Variants in LRMDA observed in about 807,000 individuals in gnomAD.
LRMDA encodes leucine-rich melanocyte differentiation-associated protein.
In LRMDA, 18 loss-of-function variants were observed where a neutral mutation model predicts 29.8. That is an observed-to-expected ratio of 0.60 (90% CI 0.42 to 0.90). LRMDA has a LOEUF of 0.90. Among genes scored for constraint, LRMDA ranks in the 40% least tolerant of loss-of-function variants. LRMDA has a pLI of 0.00. For missense variants in LRMDA, 273 were observed against 273.9 expected (o/e 1.00, Z 0.02); for synonymous variants, 125 against 109.4 (o/e 1.14, Z -0.89).
At chr10:76,036,636 C>G (rs964151360) in intron 3 of LRMDA, among the ~76,000 whole-genome samples, 1 of 152,198 alleles carries the variant, frequency 6.6e-6, no homozygotes, top group African/African-American at 2.4e-5. Flanking sequence ...GTGGCAGAGA[C>G]ATGTGAAGCC....
intron 6 of LRMDA, among the ~76,000 whole-genome samples, chr10:76,358,893 A>G (rs1188034403): frequency 6.6e-6 from 1 of 152,188 alleles, no homozygotes; most frequent in African/African-American, 2.4e-5. Context: ...CATTGATTTG[A>G]ATAACTCTGT....
At chr10:76,546,240 G>A (rs182371901) in intron 6 of LRMDA, among the ~76,000 whole-genome samples, 1 of 152,128 alleles carries the variant, frequency 6.6e-6, no homozygotes, top group African/African-American at 2.4e-5. Flanking sequence ...TATTGTTTTC[G>A]ATTTTTTGGA....
At chr10:76,337,325 G>T (rs756930945) in intron 6 of LRMDA, among the ~76,000 whole-genome samples, 1 of 152,140 alleles carries the variant, frequency 6.6e-6, no homozygotes, top group Non-Finnish European at 1.5e-5. Flanking sequence ...ACCACCACAT[G>T]GTATATCGGT....
chr10:75,924,386 T>TA (rs1431215313), intron 2 of LRMDA, among the ~76,000 whole-genome samples: 5 of 152,196 alleles, frequency 3.3e-5, no homozygotes, highest in African/African-American at 1.2e-4. Flanking sequence ...GCAAGCCCCA[T>TA]AAAAAAGCAA....
intron 5 of LRMDA, among the ~76,000 whole-genome samples, chr10:76,250,519 A>C (rs866648046): frequency 6.6e-6 from 1 of 152,236 alleles, no homozygotes; most frequent in Non-Finnish European, 1.5e-5. Context: ...AAACCAAAAA[A>C]TGAAAAAAGG....
intron 2 of LRMDA, among the ~76,000 whole-genome samples, chr10:75,476,449 G>C (rs886868716): frequency 6.6e-6 from 1 of 152,122 alleles, no homozygotes; most frequent in Non-Finnish European, 1.5e-5. Context: ...TAGTGGTGCA[G>C]CCATCCTCCT....
chr10:76,362,182 A>G (rs1434444360), intron 6 of LRMDA, among the ~76,000 whole-genome samples: 1 of 152,206 alleles, frequency 6.6e-6, no homozygotes, highest in African/African-American at 2.4e-5. Context: ...AAAACTGACA[A>G]AGGTTATCCA....
At chr10:75,605,546 C>G (rs1038688869) in intron 2 of LRMDA, among the ~76,000 whole-genome samples, 1 of 152,206 alleles carries the variant, frequency 6.6e-6, no homozygotes, top group Non-Finnish European at 1.5e-5. Context: ...TGATGGAACA[C>G]TTTGATCTGA....
At chr10:75,802,082 T>G (rs1344688669) in intron 2 of LRMDA, among the ~76,000 whole-genome samples, 1 of 152,108 alleles carries the variant, frequency 6.6e-6, no homozygotes, top group Non-Finnish European at 1.5e-5. Flanking sequence ...ACAGGCATGC[T>G]GAGGCAGGAG....
intron 5 of LRMDA, among the ~76,000 whole-genome samples, chr10:76,293,235 C>T (rs1176792751): frequency 6.6e-6 from 1 of 152,188 alleles, no homozygotes; most frequent in Non-Finnish European, 1.5e-5. Context: ...CCCACCTCGG[C>T]CTCCCAAAGT....
chr10:75,759,264 G>A (rs923330080), intron 2 of LRMDA, among the ~76,000 whole-genome samples: 1 of 152,150 alleles, frequency 6.6e-6, no homozygotes, highest in Admixed American at 6.5e-5. Flanking sequence ...ATTTCTTGGA[G>A]TTCTATTATT....
Position 76,127,684 on chromosome 10 carries a change from GA to G in LRMDA, c.516+68911del, listed in dbSNP as rs369919157. On this transcript the variant is annotated intron_variant, in intron 5 of 6. Coordinates refer to ENST00000611255, the MANE Select transcript of LRMDA (RefSeq NM_001305581.2). ...TAAGGCAGTTGTAAAAGCTTGGGAGGAAAAAAAAAATCATAAAATTCTAGAA... is the reference window on the plus strand; with the variant it reads ...TAAGGCAGTTGTAAAAGCTTGGGAGGAAAAAAAAATCATAAAATTCTAGAA... 4.1e-3 allele frequency among the ~76,000 whole-genome samples: 597 copies of G among 144,274 alleles called. 5 individuals are homozygous for G. The highest frequency in any genetic ancestry group is 0.014 in the African/African-American group (570 of 39,378). 94.6% of individuals were successfully genotyped at this position (144,274 alleles called of 152,430 possible). A position where few individuals can be genotyped will look rare whatever the true frequency, so the allele number is the denominator to read the frequency against.
intron 2 of LRMDA, among the ~76,000 whole-genome samples, chr10:75,506,094 T>A (rs1845165829): frequency 6.6e-6 from 1 of 151,136 alleles, no homozygotes; most frequent in Admixed American, 6.6e-5. Flanking sequence ...CAATGAACCA[T>A]AAGTAGAACA....
At chr10:76,101,220 C>T (rs1236954317) in intron 5 of LRMDA, among the ~76,000 whole-genome samples, 2 of 152,042 alleles carry the variant, frequency 1.3e-5, no homozygotes, top group African/African-American at 4.8e-5. Context: ...TAAACAAAAA[C>T]TACTGATTGT....
At chr10:75,955,256 T>G (rs964575226) in intron 2 of LRMDA, among the ~76,000 whole-genome samples, 6 of 152,220 alleles carry the variant, frequency 3.9e-5, no homozygotes, top group African/African-American at 1.4e-4. Context: ...AGGTGTCTGT[T>G]GATTAGACTG....
At chr10:76,382,490 G>A (rs1207790917) in intron 6 of LRMDA, among the ~76,000 whole-genome samples, 1 of 152,178 alleles carries the variant, frequency 6.6e-6, no homozygotes, top group Non-Finnish European at 1.5e-5. Flanking sequence ...AGGGAATGTA[G>A]AAAGTAAACG....
At chr10:75,768,894 TC>T (rs1843203145) in intron 2 of LRMDA, among the ~76,000 whole-genome samples, 1 of 152,222 alleles carries the variant, frequency 6.6e-6, no homozygotes, top group South Asian at 2.1e-4. Flanking sequence ...ATATAACTGG[TC>T]ACCTAGACAT....
intron 6 of LRMDA, among the ~76,000 whole-genome samples, chr10:76,554,371 C>T (rs897900048): frequency 2.6e-5 from 4 of 152,200 alleles, no homozygotes; most frequent in Admixed American, 1.3e-4. Flanking sequence ...GAGACTAGCT[C>T]GGCTCTTCAC....
intron 6 of LRMDA, among the ~76,000 whole-genome samples, chr10:76,410,085 G>A (rs1278771955): frequency 6.6e-6 from 1 of 152,046 alleles, no homozygotes. Flanking sequence ...CATGTATAAT[G>A]GGCCAGAGGG....
Sources: gnomAD v4.1 joint callset for allele counts (sites outside exome capture counted in the v4.1 genomes callset) on GRCh38, gnomAD v4.1.1 for gene constraint, MANE v1.5 for transcripts, NCBI Gene and HGNC (gene_info 2026-07-23, HGNC 2026-07-21) for gene names.